VTI1A: variants seen among roughly 807,000 people sequenced by gnomAD.
VTI1A encodes the protein vesicle transport through interaction with t-SNAREs homolog 1A.
A neutral mutation model predicts 34.9 loss-of-function variants in VTI1A; 22 were observed. The ratio of observed to expected loss-of-function variants is 0.63; its 90% CI spans 0.45 to 0.90. The LOEUF (loss-of-function observed/expected upper bound fraction) is 0.90, where lower values mean the gene tolerates loss of function less well. Among genes scored for constraint, VTI1A ranks in the 40% least tolerant of loss-of-function variants. The pLI, the probability that VTI1A is intolerant of heterozygous loss-of-function variation, is 0.00. For synonymous variants in VTI1A, 87 were observed against 97.3 expected, an observed-to-expected ratio of 0.89 and a Z score of 0.62; for missense variants, 268 against 275.6, an observed-to-expected ratio of 0.97 and a Z score of 0.20.
chr10:112,853,117 T>G, the VTI1A span, among the ~76,000 whole-genome samples: 64,750 of 152,022 alleles, frequency 0.43, 15,156 homozygotes, highest in East Asian at 0.78. Flanking sequence ...GTTCTCCTTG[T>G]CCAAGGTACA....
At chr10:112,499,533 T>G (rs988974981) in intron 3 of VTI1A, among the ~76,000 whole-genome samples, 3 of 152,232 alleles carry the variant, frequency 2.0e-5, no homozygotes, top group Admixed American at 2.0e-4. Flanking sequence ...AGCCTAGACT[T>G]TCACATTGCA....
chr10:112,520,639 G>GTATATATATATA (rs1485151139), intron 3 of VTI1A, among the ~76,000 whole-genome samples: 1 of 128,230 alleles, frequency 7.8e-6, no homozygotes, highest in African/African-American at 2.8e-5. Context: ...GTGTGTGTGT[G>GTATATATATATA]TGTGTGTGTA....
intron 7 of VTI1A, among the ~76,000 whole-genome samples, chr10:112,780,322 AAAAT>A (rs1852088511): frequency 7.3e-6 from 1 of 136,810 alleles, no homozygotes; most frequent in East Asian, 2.2e-4. Context: ...ATAAATAAAT[AAAAT>A]AATAACCTAC....
At chr10:112,666,985 C>A (rs1847663976) in intron 5 of VTI1A, among the ~76,000 whole-genome samples, 1 of 151,920 alleles carries the variant, frequency 6.6e-6, no homozygotes, top group Non-Finnish European at 1.5e-5. Flanking sequence ...CTAGTAAGGG[C>A]CAGCACTGGG....
chr10:112,448,689 T>C (rs907334312), intron 1 of VTI1A, among the ~76,000 whole-genome samples: 2 of 152,222 alleles, frequency 1.3e-5, no homozygotes, highest in African/African-American at 2.4e-5. Flanking sequence ...GAAAGGTGGA[T>C]GTGCTCATTA....
At chr10:112,794,701 C>T (rs1338523210) in intron 7 of VTI1A, among the ~76,000 whole-genome samples, 2 of 152,098 alleles carry the variant, frequency 1.3e-5, no homozygotes, top group Non-Finnish European at 2.9e-5. Context: ...TCAGATCATA[C>T]TATACGTACT....
intron 7 of VTI1A, among the ~76,000 whole-genome samples, chr10:112,731,843 A>G (rs1850274763): frequency 6.6e-6 from 1 of 152,172 alleles, no homozygotes; most frequent in Non-Finnish European, 1.5e-5. Flanking sequence ...GATCCAAGAC[A>G]TTTTTATGTA....
intron 5 of VTI1A, among the ~76,000 whole-genome samples, chr10:112,662,219 CTGTT>C (rs1446629528): frequency 6.6e-6 from 1 of 152,144 alleles, no homozygotes; most frequent in African/African-American, 2.4e-5. Context: ...AAAAGTTTGA[CTGTT>C]AGTTCTTCAG....
At chr10:112,791,806 C>T (rs958512793) in intron 7 of VTI1A, among the ~76,000 whole-genome samples, 1 of 147,928 alleles carries the variant, frequency 6.8e-6, no homozygotes, top group East Asian at 2.0e-4. Context: ...AAAGCAAACT[C>T]CTGTAAAGTA....
At chr10:112,649,256 A>G (rs2057577) in intron 5 of VTI1A, among the ~76,000 whole-genome samples, 117,883 of 152,130 alleles carry the variant, frequency 0.77, 47,133 homozygotes, top group East Asian at 0.96. Context: ...CTGCACAGCC[A>G]GTTTCTAGGT....
chr10:112,675,435 C>CA (rs1244568659), intron 7 of VTI1A, among the ~76,000 whole-genome samples: 1 of 152,168 alleles, frequency 6.6e-6, no homozygotes, highest in Non-Finnish European at 1.5e-5. Flanking sequence ...GGTGTGCAGA[C>CA]AGTTGTTCCT....
chr10:112,649,715 T>TG (rs1274937450), intron 5 of VTI1A, among the ~76,000 whole-genome samples: 1 of 152,206 alleles, frequency 6.6e-6, no homozygotes, highest in Non-Finnish European at 1.5e-5. Context: ...CAAATCTAGA[T>TG]GGCAGAGGAT....
chr10:112,702,839 G>A (rs1427385803), intron 7 of VTI1A, among the ~76,000 whole-genome samples: 1 of 152,174 alleles, frequency 6.6e-6, no homozygotes, highest in African/African-American at 2.4e-5. Flanking sequence ...ACCCACCTTG[G>A]CCTCCCAAAG....
intron 7 of VTI1A, among the ~76,000 whole-genome samples, chr10:112,693,214 A>C (rs1347637235): frequency 6.6e-6 from 1 of 152,224 alleles, no homozygotes. Context: ...TTAAGGGGAA[A>C]GAAGTTAAAT....
At chr10:112,615,419 A>C (rs1232923696) in intron 5 of VTI1A, among the ~76,000 whole-genome samples, 1 of 152,170 alleles carries the variant, frequency 6.6e-6, no homozygotes, top group Non-Finnish European at 1.5e-5. Context: ...TCTAGAGAAC[A>C]CATCTCTTTT....
At chr10:112,512,325 T>C (rs979199940) in intron 3 of VTI1A, among the ~76,000 whole-genome samples, 1 of 152,186 alleles carries the variant, frequency 6.6e-6, no homozygotes, top group Admixed American at 6.5e-5. Context: ...TTTTTTCATA[T>C]ACCTGTTGGC....
chr10:112,661,989 C>G (rs901585301), intron 5 of VTI1A, among the ~76,000 whole-genome samples: 4 of 152,078 alleles, frequency 2.6e-5, no homozygotes, highest in Non-Finnish European at 5.9e-5. Flanking sequence ...CCAGGCTGGT[C>G]TTGAACTCCT....
At chr10:112,458,956 G>A (rs1222280123) in intron 1 of VTI1A, among the ~76,000 whole-genome samples, 1 of 152,072 alleles carries the variant, frequency 6.6e-6, no homozygotes, top group Non-Finnish European at 1.5e-5. Flanking sequence ...GTGAGCCACC[G>A]CGCCCGGCCA....
intron 5 of VTI1A, among the ~76,000 whole-genome samples, chr10:112,561,280 C>T (rs1338667550): frequency 2.0e-5 from 3 of 152,106 alleles, no homozygotes; most frequent in Non-Finnish European, 4.4e-5. Context: ...TTCTTTTCCA[C>T]TGTTTACCCA....
Sources: allele counts gnomAD v4.1 joint callset (sites outside exome capture counted in the v4.1 genomes callset), GRCh38; gene constraint gnomAD v4.1.1; transcripts MANE v1.5; gene names NCBI Gene and HGNC (gene_info 2026-07-23, HGNC 2026-07-21).